The following EDA variants were observed in gnomAD, a reference collection of about 807,000 sequenced individuals.
EDA encodes the protein ectodysplasin-A.
A neutral mutation model predicts 23.6 loss-of-function variants in EDA; 2 were observed. The ratio of observed to expected loss-of-function variants is 0.08; its 90% CI spans 0.03 to 0.27. The LOEUF (loss-of-function observed/expected upper bound fraction) is 0.27, where lower values mean the gene tolerates loss of function less well. Ranked by LOEUF, EDA falls within the 10% of genes least tolerant of loss-of-function variation. EDA has a pLI of 1.00. For missense variants in EDA, 229 were observed against 324.2 expected (o/e 0.71, Z 2.26); for synonymous variants, 131 against 132.0 (o/e 0.99, Z 0.05).
intron 1 of EDA, among the ~76,000 whole-genome samples, chrX:69,917,541 G>A (rs112917023): frequency 0.021 from 2,379 of 111,259 alleles, 52 homozygotes; most frequent in African/African-American, 0.074. Context: ...ACAGGTAAAG[G>A]AATATCATGG....
At chrX:69,656,317 A>G (rs925191171) in intron 1 of EDA, among the ~76,000 whole-genome samples, 8 of 111,476 alleles carry the variant, frequency 7.2e-5, no homozygotes, top group Non-Finnish European at 3.8e-5. Flanking sequence ...ACCACCTGCA[A>G]TGCATATACC....
chrX:69,899,895 A>G (rs187461902), intron 1 of EDA, among the ~76,000 whole-genome samples: 23 of 111,581 alleles, frequency 2.1e-4, no homozygotes, highest in African/African-American at 6.2e-4. Flanking sequence ...TATCTTTGTT[A>G]TAGAGGCAGT....
At chrX:69,746,731 C>G (rs1198609291) in intron 1 of EDA, among the ~76,000 whole-genome samples, 1 of 111,005 alleles carries the variant, frequency 9.0e-6, no homozygotes, top group Non-Finnish European at 1.9e-5. Flanking sequence ...CTACCCTCCT[C>G]TTTGCCCTCC....
chrX:69,792,000 G>A (rs888476661), intron 1 of EDA, among the ~76,000 whole-genome samples: 5 of 111,489 alleles, frequency 4.5e-5, no homozygotes, highest in Non-Finnish European at 7.5e-5. Context: ...GTACAGCTGC[G>A]TTTTGGTTAC....
intron 1 of EDA, among the ~76,000 whole-genome samples, chrX:69,766,019 T>C (rs2014459266): frequency 8.9e-6 from 1 of 112,049 alleles, no homozygotes; most frequent in Non-Finnish European, 1.9e-5. Flanking sequence ...CTGAGCACGA[T>C]ACCCTTGAGA....
At chrX:69,864,561 C>A (rs2017453728) in intron 1 of EDA, among the ~76,000 whole-genome samples, 1 of 112,033 alleles carries the variant, frequency 8.9e-6, no homozygotes, top group African/African-American at 3.2e-5. Flanking sequence ...TTCTTTAACA[C>A]CCCCAGAAGA....
chrX:69,891,732 G>A (rs2017934569), intron 1 of EDA, among the ~76,000 whole-genome samples: 1 of 97,254 alleles, frequency 1.0e-5, no homozygotes, highest in South Asian at 5.8e-4. Context: ...TGGACACATG[G>A]GGGGAAGAAT....
chrX:69,673,048 A>G (rs768247440), intron 1 of EDA, among the ~76,000 whole-genome samples: 1 of 111,643 alleles, frequency 9.0e-6, no homozygotes, highest in East Asian at 2.8e-4. Flanking sequence ...GCACAGAGAA[A>G]GTGAACGGTA....
chrX:69,640,423 A>T (rs1018695149), intron 1 of EDA, among the ~76,000 whole-genome samples: 2 of 111,659 alleles, frequency 1.8e-5, no homozygotes, highest in Non-Finnish European at 3.8e-5. Flanking sequence ...TAATTGTAGA[A>T]CTCCTAAGAA....
intron 1 of EDA, among the ~76,000 whole-genome samples, chrX:69,694,845 GACA>G (rs1313119148): frequency 7.2e-5 from 8 of 111,682 alleles, no homozygotes; most frequent in Admixed American, 2.9e-4. Flanking sequence ...CTTATTATTT[GACA>G]ACACTTTCCA....
At chrX:69,873,390 C>G (rs1355505714) in intron 1 of EDA, among the ~76,000 whole-genome samples, 1 of 111,249 alleles carries the variant, frequency 9.0e-6, no homozygotes, top group South Asian at 3.7e-4. Flanking sequence ...AAAGAAATAA[C>G]AAAGATTAGA....
In EDA at chrX:69,811,642, A is replaced by G. The variant is rs770211670; in HGVS notation, c.397-145385A>G. Among the ~76,000 whole-genome samples, 9 of 111,854 alleles carry G rather than the reference A, an allele frequency of 8.0e-5. No homozygotes were observed. The South Asian group carries it at 2.7e-3, about 33-fold the overall frequency. ...TGTGGTTGCCCTGCAAGAGGGGATA[A>G]TTCCCCTCACCCAAAATGTGGTTTG... On this transcript the variant is annotated intron_variant, in intron 1 of 7. Transcript: ENST00000374552.
chrX:69,768,503 G>A (rs1044840558), intron 1 of EDA, among the ~76,000 whole-genome samples: 1 of 110,538 alleles, frequency 9.0e-6, no homozygotes, highest in Non-Finnish European at 1.9e-5. Flanking sequence ...AAAATCAGTT[G>A]ATGATATAAG....
chrX:69,647,626 T>C (rs1457548777), intron 1 of EDA, among the ~76,000 whole-genome samples: 1 of 111,723 alleles, frequency 9.0e-6, no homozygotes, highest in Non-Finnish European at 1.9e-5. Context: ...TTGCACTGGG[T>C]TACAACATGC....
chrX:69,786,916 G>A (rs978497139), intron 1 of EDA, among the ~76,000 whole-genome samples: 1 of 104,949 alleles, frequency 9.5e-6, no homozygotes, highest in African/African-American at 3.4e-5. Flanking sequence ...TTATTAATGT[G>A]TGGGAGTCTA....
At chrX:70,034,951 G>A (rs1336436698) in intron 7 of EDA, among the ~76,000 whole-genome samples, 1 of 110,370 alleles carries the variant, frequency 9.1e-6, no homozygotes, top group African/African-American at 3.3e-5. Flanking sequence ...CAAATAGTCC[G>A]TGGGGCTCAA....
chrX:70,028,148 A>T, intron 4 of EDA, 112 bp downstream of exon 4: 8 of 1,117,391 alleles, frequency 7.2e-6, no homozygotes, highest in Non-Finnish European at 8.3e-6. Context: ...TTGGTGTGCA[A>T]TAAGGGATGC....
At chrX:70,001,248 T>C (rs1246223347) in intron 2 of EDA, among the ~76,000 whole-genome samples, 2 of 111,478 alleles carry the variant, frequency 1.8e-5, no homozygotes, top group Non-Finnish European at 3.8e-5. Flanking sequence ...AAGAATCTAG[T>C]GTGACTCAGG....
At chrX:69,971,747 A>G (rs1345252338) in intron 2 of EDA, among the ~76,000 whole-genome samples, 3 of 110,826 alleles carry the variant, frequency 2.7e-5, no homozygotes, top group Non-Finnish European at 5.7e-5. Context: ...CTTCACAGCT[A>G]TGTAACAAGC....
Sources: allele counts gnomAD v4.1 joint callset (sites outside exome capture counted in the v4.1 genomes callset), GRCh38; gene constraint gnomAD v4.1.1; transcripts MANE v1.5; gene names NCBI Gene and HGNC (gene_info 2026-07-23, HGNC 2026-07-21).